Variants in SPDYC observed in about 807,000 individuals in gnomAD.
The protein encoded by SPDYC is speedy/RINGO cell cycle regulator family member C, also known as speedy protein C.
In SPDYC, 25 loss-of-function variants were observed where a neutral mutation model predicts 33.9. The ratio of observed to expected loss-of-function variants is 0.74; its 90% confidence interval spans 0.54 to 1.03. The LOEUF is 1.03. Ranked by LOEUF, SPDYC falls within the 50% of genes least tolerant of loss-of-function variation. SPDYC has a pLI of 0.00. For synonymous variants in SPDYC, 133 were observed against 140.2 expected (o/e 0.95, Z 0.36); for missense variants, 349 against 382.9 (o/e 0.91, Z 0.74).
At chr11:65,172,594 T>C (rs747291874) in exon 5 of SPDYC, 1 of 1,552,456 alleles carries the variant, frequency 6.4e-7, no homozygotes, top group Non-Finnish European at 8.7e-7. Flanking sequence ...GAGCCGCCAG[T>C]GCTGTGAGGA....
At chr11:65,171,256 CT>C (rs1209787354) in intron 1 of SPDYC, 70 bp from the exon 2 acceptor site, 7 of 1,528,218 alleles carry the variant, frequency 4.6e-6, no homozygotes, top group Non-Finnish European at 6.2e-6. Flanking sequence ...GTCCTGGCCC[CT>C]GTCACCACCC....
At chr11:65,171,568 T>A in intron 2 of SPDYC, 69 bp downstream of exon 2, 1 of 1,423,822 alleles carries the variant, frequency 7.0e-7, no homozygotes, top group Non-Finnish European at 9.3e-7. Flanking sequence ...AAGTGTGGGG[T>A]CTCACCTGCC....
rs1948434997 is a variant in SPDYC, at chr11:65,171,604, C to A, written c.199+105C>A. 4 of 1,288,798 alleles carry A rather than the reference C, an allele frequency of 3.1e-6. No homozygotes were observed. The East Asian group carries it at 7.7e-5, about 25-fold the overall frequency. 79.8% of individuals were successfully genotyped at this position (1,288,798 alleles called of 1,614,324 possible). ...TGTACAGACATCTGAGACCTCTGAC[C>A]CTCTCCCTCTCAGGTATCCCAGCTT... is the stretch of plus-strand genomic sequence containing the variant. On this transcript the variant is annotated intron_variant, in intron 2 of 6. Transcript: ENST00000377185.
At chr11:65,171,787 A>G (rs1948437560) in intron 2 of SPDYC, among the ~76,000 whole-genome samples, 156 bp from the exon 3 acceptor site, 2 of 152,106 alleles carry the variant, frequency 1.3e-5, no homozygotes, top group African/African-American at 4.8e-5. Context: ...CTCCATTTCT[A>G]TTTATATTAA....
intron 2 of SPDYC, 133 bp from the exon 3 acceptor site, chr11:65,171,810 G>A (rs1428205044): frequency 3.7e-5 from 30 of 807,140 alleles, no homozygotes; most frequent in Non-Finnish European, 5.8e-5. Context: ...AAGAGAGAGA[G>A]AAAGAGAAAA....
intron 1 of SPDYC, among the ~76,000 whole-genome samples, chr11:65,170,855 T>G (rs1948422814): frequency 6.6e-6 from 1 of 152,020 alleles, no homozygotes; most frequent in African/African-American, 2.4e-5. Context: ...TGCACTCCAG[T>G]CTGGGCGACA....
chr11:65,170,391 G>A, intron 1 of SPDYC, 130 bp downstream of exon 1: 1 of 915,304 alleles, frequency 1.1e-6, no homozygotes, highest in South Asian at 2.7e-5. Context: ...TCAGGGATGA[G>A]GGTGGGTTTA....
chr11:65,173,220 C>G, exon 7 of SPDYC: 1 of 1,613,914 alleles, frequency 6.2e-7, no homozygotes. Flanking sequence ...GGCACTGAAG[C>G]TCTGCAGGGT....
At chr11:65,172,098 C>A in intron 3 of SPDYC, 97 bp downstream of exon 3, 1 of 1,496,336 alleles carries the variant, frequency 6.7e-7, no homozygotes, top group South Asian at 1.1e-5. Flanking sequence ...ACCTTCCATC[C>A]TTACCCCCTC....
intron 2 of SPDYC, 62 bp from the exon 3 acceptor site, chr11:65,171,881 T>C (rs1948438754): frequency 6.7e-7 from 1 of 1,487,894 alleles, no homozygotes; most frequent in Middle Eastern, 1.7e-4. Context: ...GAGCTTCTGA[T>C]GCCACTCTTC....
At chr11:65,170,290 T>C (rs773244776) in intron 1 of SPDYC, 29 bp downstream of exon 1, 1 of 1,567,882 alleles carries the variant, frequency 6.4e-7, no homozygotes, top group South Asian at 1.2e-5. Flanking sequence ...GGAGGCTGGG[T>C]TGCTTGCGGG....
At chr11:65,173,313 C>T, downstream of SPDYC, 2 of 1,410,522 alleles carry the variant, frequency 1.4e-6, no homozygotes, top group South Asian at 2.6e-5. Context: ...CAGCCTGCAG[C>T]TTGTGCCCAC....
At chr11:65,172,194 GC>G (rs2137289268) in intron 3 of SPDYC, 51 bp from the exon 4 acceptor site, 1 of 1,604,748 alleles carries the variant, frequency 6.2e-7, no homozygotes, top group East Asian at 2.2e-5. Flanking sequence ...CTGGGTGCAA[GC>G]CCCTCCTCCT....
intron 2 of SPDYC, 84 bp from the exon 3 acceptor site, chr11:65,171,859 G>A: frequency 1.6e-6 from 2 of 1,212,216 alleles, no homozygotes; most frequent in Non-Finnish European, 2.5e-6. Flanking sequence ...TTCAGTGGTG[G>A]CTTGGGCTTT....
In SPDYC at chr11:65,171,315, C is replaced by T. The variant is rs749614635; in HGVS notation, c.27-12C>T. On this transcript the variant is annotated splice_polypyrimidine_tract_variant and intron_variant, in intron 1 of 6. Coordinates refer to ENST00000377185, the Ensembl canonical transcript of SPDYC. ...GGGTACATGCTAAGTCCTGAGCCTC[C>T]TTTCTCTACAGGTCACCCTGCCCCA... 1 of 1,603,378 alleles carries T rather than the reference C, an allele frequency of 6.2e-7. No homozygotes were observed. The highest frequency in any genetic ancestry group is 8.5e-7 in the Non-Finnish European group (1 of 1,175,168).
chr11:65,170,411 C>A, intron 1 of SPDYC, 150 bp downstream of exon 1: 1 of 700,684 alleles, frequency 1.4e-6, no homozygotes, highest in Non-Finnish European at 2.1e-6. Context: ...AGGACGGGAG[C>A]TTGAAATGTT....
exon 6 of SPDYC, chr11:65,172,708 T>A: frequency 6.2e-7 from 1 of 1,609,242 alleles, no homozygotes. Context: ...GCCATTCCAC[T>A]GGGCTTGGAC....
chr11:65,170,838 G>A (rs1201039343), intron 1 of SPDYC, among the ~76,000 whole-genome samples: 1 of 152,130 alleles, frequency 6.6e-6, no homozygotes, highest in African/African-American at 2.4e-5. Flanking sequence ...AGCCGAGATC[G>A]CGCCACTGCA....
At chr11:65,171,299 C>T (rs1403410907) in intron 1 of SPDYC, 28 bp from the exon 2 acceptor site, 1 of 1,589,066 alleles carries the variant, frequency 6.3e-7, no homozygotes, top group East Asian at 2.3e-5. Flanking sequence ...GGGGTACATG[C>T]TAAGTCCTGA....
Sources: allele counts gnomAD v4.1 joint callset (sites outside exome capture counted in the v4.1 genomes callset), GRCh38; gene constraint gnomAD v4.1.1; transcripts MANE v1.5; gene names NCBI Gene and HGNC (gene_info 2026-07-23, HGNC 2026-07-21).